Variants in FLACC1 observed in about 807,000 individuals in gnomAD.
FLACC1 encodes the protein flagellum-associated coiled-coil domain-containing protein 1.
A neutral mutation model predicts 62.8 loss-of-function variants in FLACC1; 66 were observed. The observed-to-expected ratio is 1.05, with a 90% confidence interval of 0.86 to 1.29. The LOEUF (loss-of-function observed/expected upper bound fraction) is 1.29, where lower values mean the gene tolerates loss of function less well. FLACC1 is among the 50% of genes most tolerant of loss of function. FLACC1 has a pLI of 0.00. For missense variants in FLACC1, 452 were observed against 489.1 expected (o/e 0.92, Z 0.71); for synonymous variants, 156 against 161.0 (o/e 0.97, Z 0.24).
In FLACC1 at chr2:201,313,409, T is replaced by C. The variant is rs541623754; in HGVS notation, c.676-4159A>G. On this transcript the variant is annotated intron_variant, in intron 9 of 14. Coordinates refer to ENST00000392257, the MANE Select transcript of FLACC1 (RefSeq NM_001127391.3). The stretch of plus-strand genomic sequence containing the variant: ...AGTGAGATTGATCTTCTGGGTTTCG[T>C]GGGAGCTGGGTGAGGTCTGTGACTG... Among the ~76,000 whole-genome samples the C allele has an allele frequency of 6.6e-5, 10 of 152,224 alleles. No homozygotes were observed. In the South Asian group the frequency reaches 1.2e-3, roughly 19 times the overall value.
In FLACC1 at chr2:201,342,367, T is replaced by C. The variant is rs1228824443; in HGVS notation, c.524+3A>G. 1.2e-6 allele frequency: 2 copies of C among 1,614,010 alleles called. No individual in the cohort carries two copies. Among genetic ancestry groups the C allele is most frequent in the Non-Finnish European group, 1.7e-6 (2 of 1,180,004 alleles). ...ACACAAGGGTCCATGCCAGAAAGTGTACCTGTTCTTGTTTTCAAAGTTCTG... is the reference window on the plus strand; with the variant it reads ...ACACAAGGGTCCATGCCAGAAAGTGCACCTGTTCTTGTTTTCAAAGTTCTG... On this transcript the variant is annotated splice_donor_region_variant and intron_variant, in intron 7 of 14. Transcript: ENST00000392257.
upstream of FLACC1, among the ~76,000 whole-genome samples, chr2:201,358,801 T>C (rs72934999): frequency 0.089 from 13,471 of 152,190 alleles, 728 homozygotes; most frequent in African/African-American, 0.14. Flanking sequence ...ATTCAAGTGA[T>C]CCTCCTGCTT....
chr2:201,300,798 T>C (rs1199844162), intron 11 of FLACC1, among the ~76,000 whole-genome samples: 2 of 152,188 alleles, frequency 1.3e-5, no homozygotes, highest in African/African-American at 4.8e-5. Context: ...CTCCTGGTGA[T>C]ACCCAGGCAA....
At chr2:201,338,364 C>T (rs1468959108) in intron 7 of FLACC1, among the ~76,000 whole-genome samples, 3 of 152,084 alleles carry the variant, frequency 2.0e-5, no homozygotes, top group Non-Finnish European at 4.4e-5. Flanking sequence ...CATTTGGCTT[C>T]CTCTTTTCCA....
chr2:201,320,566 T>C (rs2110692), intron 9 of FLACC1, among the ~76,000 whole-genome samples: 145,901 of 152,312 alleles, frequency 0.96, 70,164 homozygotes, highest in East Asian at 1. Context: ...CTGCTTCTCC[T>C]CACTCTGCAC....
At chr2:201,354,958 T>C (rs1951090753) in intron 1 of FLACC1, among the ~76,000 whole-genome samples, 1 of 152,210 alleles carries the variant, frequency 6.6e-6, no homozygotes, top group Non-Finnish European at 1.5e-5. Context: ...TTAGTGGTTG[T>C]AATCAGCTCA....
intron 12 of FLACC1, among the ~76,000 whole-genome samples, chr2:201,297,488 T>A (rs1224498464): frequency 2.0e-5 from 3 of 152,066 alleles, no homozygotes; most frequent in African/African-American, 7.2e-5. Context: ...GTGTGACCAA[T>A]GAGGTGAAGG....
intron 12 of FLACC1, among the ~76,000 whole-genome samples, chr2:201,296,913 G>T (rs13009885): frequency 6.6e-6 from 1 of 151,996 alleles, no homozygotes; most frequent in Non-Finnish European, 1.5e-5. Context: ...GGAAAGCAAC[G>T]GAACTAAGGA....
At chr2:201,355,965 T>C (rs1024082002) in intron 1 of FLACC1, among the ~76,000 whole-genome samples, 11 of 152,262 alleles carry the variant, frequency 7.2e-5, no homozygotes, top group Admixed American at 2.6e-4. Flanking sequence ...GGCTATTGAA[T>C]AATCAACCAG....
At chr2:201,303,815 C>A (rs993315791) in intron 11 of FLACC1, among the ~76,000 whole-genome samples, 1 of 152,118 alleles carries the variant, frequency 6.6e-6, no homozygotes, top group Non-Finnish European at 1.5e-5. Flanking sequence ...ATCAACAGTA[C>A]CAAAGACAAA....
At chr2:201,289,844 C>T (rs879889041) in intron 12 of FLACC1, 59 bp from the exon 13 acceptor site, 1 of 1,613,034 alleles carries the variant, frequency 6.2e-7, no homozygotes, top group Non-Finnish European at 8.5e-7. Flanking sequence ...TTGGTCTCTT[C>T]TCCAGGGCAC....
intron 9 of FLACC1, among the ~76,000 whole-genome samples, chr2:201,317,825 A>T (rs1427049609): frequency 6.6e-6 from 1 of 152,218 alleles, no homozygotes; most frequent in Admixed American, 6.5e-5. Context: ...TGGAGGCATC[A>T]CATTACCTGA....
intron 7 of FLACC1, among the ~76,000 whole-genome samples, chr2:201,332,752 C>T (rs1177021795): frequency 5.9e-5 from 9 of 151,652 alleles, no homozygotes; most frequent in Non-Finnish European, 1.2e-4. Context: ...CCATTTTACT[C>T]GCTGTTTCTA....
intron 9 of FLACC1, among the ~76,000 whole-genome samples, chr2:201,329,718 G>A (rs1950555864): frequency 6.6e-6 from 1 of 152,130 alleles, no homozygotes; most frequent in South Asian, 2.1e-4. Flanking sequence ...ACGTGTTCTT[G>A]TAGACACTGG....
At chr2:201,363,224 T>G in the FLACC1 span, among the ~76,000 whole-genome samples, 1 of 151,670 alleles carries the variant, frequency 6.6e-6, no homozygotes, top group Non-Finnish European at 1.5e-5. Flanking sequence ...TCCAGGTATC[T>G]GGAGCACCCC....
chr2:201,301,449 G>C (rs947765691), intron 11 of FLACC1, among the ~76,000 whole-genome samples: 2 of 143,722 alleles, frequency 1.4e-5, no homozygotes, highest in African/African-American at 5.1e-5. Context: ...CCAAATCTAC[G>C]TCTGATTGGT....
At chr2:201,333,778 C>T (rs1181802664) in intron 7 of FLACC1, among the ~76,000 whole-genome samples, 1 of 152,104 alleles carries the variant, frequency 6.6e-6, no homozygotes, top group Non-Finnish European at 1.5e-5. Context: ...TGTATATGTG[C>T]CACATTTTCT....
chr2:201,314,977 A>G (rs1189243656), intron 9 of FLACC1, among the ~76,000 whole-genome samples: 1 of 152,216 alleles, frequency 6.6e-6, no homozygotes, highest in Non-Finnish European at 1.5e-5. Flanking sequence ...TTTTCAGGCA[A>G]ACAAATGCTA....
chr2:201,305,252 C>T (rs981865984), intron 11 of FLACC1, among the ~76,000 whole-genome samples: 8 of 152,160 alleles, frequency 5.3e-5, no homozygotes, highest in African/African-American at 1.9e-4. Flanking sequence ...AATCAAACAA[C>T]CCCATCAACA....
Sources: allele counts gnomAD v4.1 joint callset (sites outside exome capture counted in the v4.1 genomes callset), GRCh38; gene constraint gnomAD v4.1.1; transcripts MANE v1.5; gene names NCBI Gene and HGNC (gene_info 2026-07-23, HGNC 2026-07-21).